The following KCNJ16 variants were observed in gnomAD, a reference collection of about 807,000 sequenced individuals.
The protein encoded by KCNJ16 is potassium inwardly rectifying channel subfamily J member 16.
Under a neutral mutation model 18.5 loss-of-function variants are expected in KCNJ16, and 15 were observed. The ratio of observed to expected loss-of-function variants is 0.81; its 90% CI spans 0.54 to 1.25. The LOEUF (loss-of-function observed/expected upper bound fraction) is 1.25. Ranked by LOEUF, KCNJ16 falls within the 50% of genes most tolerant of loss-of-function variation. The pLI is 0.00. For synonymous variants in KCNJ16, 174 were observed against 186.5 expected (o/e 0.93, Z 0.55); for missense variants, 523 against 525.7 (o/e 0.99, Z 0.05).
At chr17:70,130,790 A>G (rs750126699) in intron 2 of KCNJ16, 89 bp from the exon 3 acceptor site, 1 of 647,190 alleles carries the variant, frequency 1.5e-6, no homozygotes. Flanking sequence ...CCCATCTAGC[A>G]CAGGTAGACT....
chr17:70,111,303 T>C (rs577296587), intron 2 of KCNJ16, among the ~76,000 whole-genome samples: 7 of 152,258 alleles, frequency 4.6e-5, no homozygotes, highest in African/African-American at 1.7e-4. Flanking sequence ...TCAAGATGGC[T>C]ATTAGGATTA....
chr17:70,131,354 C>G (rs942428150), intron 3 of KCNJ16: 11 of 1,056,546 alleles, frequency 1.0e-5, no homozygotes, highest in Non-Finnish European at 1.3e-5. Context: ...TCTTTCAAGA[C>G]TAAAGGTGGA....
rs1044244559 is a variant in KCNJ16, at chr17:70,132,205, G to A, written c.118G>A (p.Asp40Asn). Residue 40 changes from aspartate (D) to asparagine (N), a missense_variant, in exon 4 of 4, where the codon GAT becomes AAT. Physicochemically the swap from Asp to Asn is conservative, Grantham distance 23 (BLOSUM62 1). Transcript: ENST00000392671. Reference sequence around the variant, plus strand: ...AGCAAGAAGACGATTACTTCACAAAGATGGCAGCTGTAATGTCTACTTCAA... The same window carrying A: ...AGCAAGAAGACGATTACTTCACAAAAATGGCAGCTGTAATGTCTACTTCAA... ...RRARRRLLHK[D>N]GSCNVYFKHI... The A allele has an allele frequency of 5.6e-6, 9 of 1,614,226 alleles. No homozygotes were observed. The highest frequency in any genetic ancestry group is 7.6e-6 in the Non-Finnish European group (9 of 1,180,034).
At chr17:70,077,132 CAA>C (rs1358609142) in intron 1 of KCNJ16, among the ~76,000 whole-genome samples, 1 of 152,168 alleles carries the variant, frequency 6.6e-6, no homozygotes, top group Non-Finnish European at 1.5e-5. Flanking sequence ...AACAAAACAG[CAA>C]AGAGGCCAGT....
At chr17:70,110,342 C>T (rs908758487) in intron 2 of KCNJ16, among the ~76,000 whole-genome samples, 3 of 152,066 alleles carry the variant, frequency 2.0e-5, no homozygotes, top group Admixed American at 1.3e-4. Context: ...GTGAACAGGA[C>T]GATTTTCTGT....
chr17:70,106,739 C>G (rs545760130), intron 2 of KCNJ16, among the ~76,000 whole-genome samples: 1 of 152,266 alleles, frequency 6.6e-6, no homozygotes, highest in South Asian at 2.1e-4. Flanking sequence ...CCTTGCCTGT[C>G]TGGTAAGCCC....
intron 2 of KCNJ16, among the ~76,000 whole-genome samples, chr17:70,119,837 C>T (rs1382686619): frequency 6.6e-6 from 1 of 151,432 alleles, no homozygotes; most frequent in Non-Finnish European, 1.5e-5. Flanking sequence ...ACTTGGCTCC[C>T]TTTTAGTTAT....
At chr17:70,130,227 A>G (rs907499048) in intron 2 of KCNJ16, among the ~76,000 whole-genome samples, 2 of 152,150 alleles carry the variant, frequency 1.3e-5, no homozygotes, top group African/African-American at 4.8e-5. Context: ...ATATTGTTCA[A>G]TGACAAGTCA....
chr17:70,132,777 G>A lies in KCNJ16; in HGVS notation c.690G>A (p.Arg230=), dbSNP rs749822617. The A allele has an allele frequency of 1.7e-5, 28 of 1,613,888 alleles. 1 individual carries two copies. In the East Asian group the frequency reaches 6.2e-4, roughly 36 times the overall value. ...LLRYTEDSEG[R]MTMAFKDLKL... The stretch of plus-strand genomic sequence containing the variant: ...GCTATACAGAAGACAGTGAAGGGAG[G>A]ATGACGATGGCATTTAAAGACCTCA... The change falls in exon 4 of 4, where the codon AGG becomes AGA. Residue 230 remains arginine, a synonymous_variant. Transcript: ENST00000392671.
chr17:70,084,204 G>A lies in KCNJ16; in HGVS notation c.-300+8814G>A, dbSNP rs144718694. 1.2e-3 allele frequency among the ~76,000 whole-genome samples: 177 copies of A among 152,320 alleles called. 2 individuals are homozygous for A. The highest frequency in any genetic ancestry group is 4.1e-3 in the African/African-American group (171 of 41,574). On this transcript the variant is annotated intron_variant, in intron 1 of 3. Coordinates refer to ENST00000392671, the MANE Select transcript of KCNJ16 (RefSeq NM_170741.4). ...CCACCTTACATAAGTCATGCAAGAT[G>A]ACTCCCATGGCCTGAAACTATGAAG...
intron 2 of KCNJ16, among the ~76,000 whole-genome samples, chr17:70,114,895 C>A (rs1371815342): frequency 6.6e-6 from 1 of 152,100 alleles, no homozygotes; most frequent in African/African-American, 2.4e-5. Context: ...GTAGTCATAG[C>A]TACATGCACT....
chr17:70,103,612 G>A (rs990540761), intron 2 of KCNJ16, among the ~76,000 whole-genome samples: 25 of 151,790 alleles, frequency 1.6e-4, no homozygotes, highest in Non-Finnish European at 3.1e-4. Flanking sequence ...CCAGGCCTTC[G>A]TCATTGGAAT....
chr17:70,132,932 T>A lies in KCNJ16; in HGVS notation c.845T>A (p.Phe282Tyr), dbSNP rs2074113486. The stretch of plus-strand genomic sequence containing the variant: ...GATAACTTTGAGATTTTGGTGACAT[T>A]TATCTATACTGGTGATTCCACTGGA... ...AKDNFEILVT[F>Y]IYTGDSTGTS... is the part of the protein sequence containing the mutation. The change falls in exon 4 of 4, where the codon TTT (phenylalanine) becomes TAT (tyrosine). Residue 282 changes from phenylalanine to tyrosine, a missense_variant. By Grantham distance (22) the Phe-to-Tyr change is conservative. Transcript: ENST00000392671. 3 of 1,614,088 alleles carry A rather than the reference T, an allele frequency of 1.9e-6. No individual in the cohort carries two copies. Among genetic ancestry groups the A allele is most frequent in the African/African-American group, 1.3e-5 (1 of 74,936 alleles).
Position 70,132,407 on chromosome 17 carries a change from A to C in KCNJ16, c.320A>C (p.Asp107Ala). The C allele has an allele frequency of 6.2e-7, 1 of 1,614,190 alleles. No individual in the cohort carries two copies. Among genetic ancestry groups the C allele is most frequent in the East Asian group, 2.2e-5 (1 of 44,878 alleles). The change falls in exon 4 of 4, where the codon GAC (aspartate) becomes GCC (alanine). Residue 107 changes from aspartate (D) to alanine (A), a missense_variant. Physicochemically the swap from Asp to Ala is moderately radical, Grantham distance 126. Transcript: ENST00000392671. ...CATGGCGATCTATTAAATGATCCAG[A>C]CATCACACCTTGTGTTGACAACGTC... ...FHHGDLLNDP[D>A]ITPCVDNVHS...
At position 70,133,793 on chromosome 17, in the gene KCNJ16, A is replaced by G. The variant is rs948295595; in HGVS notation, c.*449A>G. On this transcript the variant is annotated 3_prime_UTR_variant, in exon 4 of 4. Coordinates refer to ENST00000392671, the MANE Select transcript of KCNJ16 (RefSeq NM_170741.4). Reference sequence around the variant, plus strand: ...ATCATATCTAACCAAGATATGCAAAAGATGCATTCAGTAAGCTGTAACGTT... The same window carrying G: ...ATCATATCTAACCAAGATATGCAAAGGATGCATTCAGTAAGCTGTAACGTT... 5.9e-6 allele frequency: 1 copy of G among 170,264 alleles called. No individual in the cohort carries two copies. Among genetic ancestry groups the G allele is most frequent in the Non-Finnish European group, 1.4e-5 (1 of 70,172 alleles). 10.5% of individuals were successfully genotyped at this position (170,264 alleles called of 1,614,324 possible). A position where few individuals can be genotyped will look rare whatever the true frequency, so the allele number is the denominator to read the frequency against.
chr17:70,078,838 G>A (rs2071424760), intron 1 of KCNJ16, among the ~76,000 whole-genome samples: 1 of 152,130 alleles, frequency 6.6e-6, no homozygotes, highest in African/African-American at 2.4e-5. Flanking sequence ...GAAGGCAAGA[G>A]GGATGATAGC....
At chr17:70,100,542 TAACA>T (rs1451767171) in intron 1 of KCNJ16, 112 bp from the exon 2 acceptor site, 8 of 152,328 alleles carry the variant, frequency 5.3e-5, no homozygotes, top group Admixed American at 5.2e-4. Context: ...CAATCAGACT[TAACA>T]AACACTTAGA....
intron 2 of KCNJ16, among the ~76,000 whole-genome samples, chr17:70,112,220 C>T (rs1253765381): frequency 3.3e-5 from 5 of 152,070 alleles, no homozygotes; most frequent in Middle Eastern, 3.2e-3. Context: ...AAGGTTTTAG[C>T]GACATTTGGC....
At chr17:70,084,340 C>T (rs1269084940) in intron 1 of KCNJ16, among the ~76,000 whole-genome samples, 4 of 152,094 alleles carry the variant, frequency 2.6e-5, no homozygotes, top group Admixed American at 2.6e-4. Flanking sequence ...AGACATTGTC[C>T]CTGACATTGA....
Sources: allele counts gnomAD v4.1 joint callset (sites outside exome capture counted in the v4.1 genomes callset), GRCh38; gene constraint gnomAD v4.1.1; transcripts MANE v1.5; gene names NCBI Gene and HGNC (gene_info 2026-07-23, HGNC 2026-07-21).